The following PCDH9 variants were observed in gnomAD, a reference collection of about 807,000 sequenced individuals.
PCDH9 encodes protocadherin 9, also known as protocadherin-9.
A neutral mutation model predicts 70.6 loss-of-function variants in PCDH9; 24 were observed. That is an observed-to-expected ratio of 0.34 (90% CI 0.25 to 0.48). The LOEUF is 0.48. Ranked by LOEUF, PCDH9 falls within the 20% of genes least tolerant of loss-of-function variation. The pLI, the probability that PCDH9 is intolerant of heterozygous loss-of-function variation, is 0.99. For synonymous variants in PCDH9, 562 were observed against 558.5 expected, an observed-to-expected ratio of 1.01 and a Z score of -0.09; for missense variants, 1,281 against 1,503.6, an observed-to-expected ratio of 0.85 and a Z score of 2.45.
intron 4 of PCDH9, among the ~76,000 whole-genome samples, chr13:66,525,139 C>A (rs944377846): frequency 1.3e-5 from 2 of 151,978 alleles, no homozygotes; most frequent in East Asian, 3.9e-4. Context: ...TCTCCCTTGT[C>A]GCTCTCATTT....
At chr13:67,134,769 G>A (rs1694303000) in intron 2 of PCDH9, among the ~76,000 whole-genome samples, 1 of 152,112 alleles carries the variant, frequency 6.6e-6, no homozygotes, top group South Asian at 2.1e-4. Flanking sequence ...CACTCCAGAA[G>A]CTTTTAAAAC....
At chr13:66,595,437 A>G (rs775592027) in intron 4 of PCDH9, among the ~76,000 whole-genome samples, 50 of 151,780 alleles carry the variant, frequency 3.3e-4, no homozygotes, top group Non-Finnish European at 5.7e-4. Context: ...TTATCTTGAA[A>G]ACATGGGTAT....
At chr13:66,424,150 CA>C (rs1957623795) in intron 4 of PCDH9, among the ~76,000 whole-genome samples, 1 of 152,072 alleles carries the variant, frequency 6.6e-6, no homozygotes, top group African/African-American at 2.4e-5. Context: ...ATGAAAACTA[CA>C]AACCACTGCT....
At chr13:66,873,501 T>TGTTCC in intron 3 of PCDH9, among the ~76,000 whole-genome samples, 2 of 152,162 alleles carry the variant, frequency 1.3e-5, no homozygotes, top group Non-Finnish European at 2.9e-5. Flanking sequence ...GTGGGCTTGA[T>TGTTCC]ATTCTACTGT....
At chr13:67,018,799 T>A (rs571448597) in intron 2 of PCDH9, among the ~76,000 whole-genome samples, 57 of 152,232 alleles carry the variant, frequency 3.7e-4, no homozygotes, top group Non-Finnish European at 3.7e-4. Flanking sequence ...CAATAATGCA[T>A]CCTCGCATAC....
chr13:66,584,943 T>C (rs898472771), intron 4 of PCDH9, among the ~76,000 whole-genome samples: 6 of 152,080 alleles, frequency 3.9e-5, no homozygotes, highest in African/African-American at 1.4e-4. Context: ...AAATCTGTTA[T>C]GTAAGGAAAG....
chr13:66,547,882 G>GATATTTAATCATATTATTATATAATAAT (rs1961278489), intron 4 of PCDH9, among the ~76,000 whole-genome samples: 2 of 141,414 alleles, frequency 1.4e-5, no homozygotes, highest in African/African-American at 5.1e-5. Context: ...ATAATAATAT[G>GATATTTAATCATATTATTATATAATAAT]ATATTTAATC....
At chr13:66,337,463 C>T (rs1231778397) in intron 4 of PCDH9, among the ~76,000 whole-genome samples, 2 of 152,018 alleles carry the variant, frequency 1.3e-5, no homozygotes, top group African/African-American at 4.8e-5. Flanking sequence ...GAATGTCTGG[C>T]TTTTAATGAT....
rs946501021 is a variant in PCDH9, at chr13:67,014,021, C to A, written c.3037-110416G>T. ...TCTTCAGAAACTTTTCTGCTTCCTTCATATTCAAGGTGTTTAAAAACAGAG... is the reference window on the plus strand; with the variant it reads ...TCTTCAGAAACTTTTCTGCTTCCTTAATATTCAAGGTGTTTAAAAACAGAG... On this transcript the variant is annotated intron_variant, in intron 2 of 4. Transcript: ENST00000377865. 5.9e-5 allele frequency among the ~76,000 whole-genome samples: 9 copies of A among 152,182 alleles called. 1 individual carries two copies. In the South Asian group the frequency reaches 1.2e-3, roughly 21 times the overall value.
chr13:67,095,521 C>A (rs1342468829), intron 2 of PCDH9, among the ~76,000 whole-genome samples: 1 of 152,078 alleles, frequency 6.6e-6, no homozygotes, highest in Non-Finnish European at 1.5e-5. Flanking sequence ...GAAGAGAGGA[C>A]ACATGTTTGA....
chr13:66,990,627 A>T (rs1302216263), intron 2 of PCDH9, among the ~76,000 whole-genome samples: 1 of 150,068 alleles, frequency 6.7e-6, no homozygotes, highest in Non-Finnish European at 1.5e-5. Context: ...ATATATATAA[A>T]AACATGTATA....
intron 2 of PCDH9, among the ~76,000 whole-genome samples, chr13:67,103,349 TGA>T: frequency 6.6e-6 from 1 of 152,320 alleles, no homozygotes; most frequent in East Asian, 1.9e-4. Flanking sequence ...GTGAATGTGT[TGA>T]TATAAACTGA....
intron 4 of PCDH9, among the ~76,000 whole-genome samples, chr13:66,404,124 T>G (rs2138304124): frequency 6.6e-6 from 1 of 152,322 alleles, no homozygotes; most frequent in South Asian, 2.1e-4. Context: ...GTAGAATATC[T>G]GATAAAATTT....
intron 4 of PCDH9, among the ~76,000 whole-genome samples, chr13:66,583,209 T>C (rs1359279419): frequency 6.6e-6 from 1 of 152,086 alleles, no homozygotes; most frequent in African/African-American, 2.4e-5. Flanking sequence ...CATATATACA[T>C]TTAATAAAAT....
intron 2 of PCDH9, among the ~76,000 whole-genome samples, chr13:67,044,876 C>A (rs2085192525): frequency 6.6e-6 from 1 of 152,070 alleles, no homozygotes; most frequent in Admixed American, 6.6e-5. Flanking sequence ...CCTGTTAAAT[C>A]TGCAGTTACT....
chr13:67,194,113 G>C (rs2088993326), intron 2 of PCDH9, among the ~76,000 whole-genome samples: 1 of 152,004 alleles, frequency 6.6e-6, no homozygotes, highest in Admixed American at 6.6e-5. Context: ...ACTTTGTTTG[G>C]GGAATCTTAT....
chr13:66,713,153 G>A (rs896813426), intron 3 of PCDH9, among the ~76,000 whole-genome samples: 66 of 152,052 alleles, frequency 4.3e-4, no homozygotes, highest in Admixed American at 2.4e-3. Flanking sequence ...AGCTGAGCAC[G>A]GAATGAGTTT....
chr13:67,219,967 A>T (rs1432108644), intron 2 of PCDH9: 2 of 151,996 alleles, frequency 1.3e-5, no homozygotes, highest in East Asian at 3.9e-4. Flanking sequence ...TATGTTTTTA[A>T]CTATATACAA....
intron 3 of PCDH9, among the ~76,000 whole-genome samples, chr13:66,720,231 C>A (rs2078923566): frequency 6.6e-6 from 1 of 151,936 alleles, no homozygotes; most frequent in Non-Finnish European, 1.5e-5. Flanking sequence ...CGGCTCACTG[C>A]AACCTCCAGG....
Sources: gnomAD v4.1 joint callset for allele counts (sites outside exome capture counted in the v4.1 genomes callset) on GRCh38, gnomAD v4.1.1 for gene constraint, MANE v1.5 for transcripts, NCBI Gene and HGNC (gene_info 2026-07-23, HGNC 2026-07-21) for gene names.